Variants in SGCD observed in about 807,000 individuals in gnomAD.
SGCD encodes sarcoglycan delta.
In SGCD, 18 loss-of-function variants were observed where a neutral mutation model predicts 36.6. The observed-to-expected ratio is 0.49, with a 90% confidence interval of 0.34 to 0.73. SGCD has a LOEUF of 0.73. SGCD is among the 30% of genes least tolerant of loss of function. The pLI is 0.01. For missense variants in SGCD, 387 were observed against 346.7 expected (o/e 1.12, Z -0.92); for synonymous variants, 133 against 130.6 (o/e 1.02, Z -0.12).
intron 3 of SGCD, among the ~76,000 whole-genome samples, chr5:156,452,293 A>G (rs541356201): frequency 2.6e-5 from 4 of 152,058 alleles, no homozygotes; most frequent in African/African-American, 7.3e-5. Flanking sequence ...TGCTCTAGGT[A>G]TAGTCTCTCA....
chr5:155,747,854 T>C, the SGCD span, among the ~76,000 whole-genome samples: 6 of 152,298 alleles, frequency 3.9e-5, no homozygotes, highest in South Asian at 1.2e-3. Flanking sequence ...TTTCTCAAGA[T>C]TTCACCCTAT....
At chr5:156,277,917 G>A (rs1198647594) in intron 3 of SGCD, among the ~76,000 whole-genome samples, 1 of 152,058 alleles carries the variant, frequency 6.6e-6, no homozygotes, top group Admixed American at 6.6e-5. Context: ...GAAACTGAAG[G>A]TCTGATCTGA....
the SGCD span, among the ~76,000 whole-genome samples, chr5:155,818,523 C>A: frequency 1.3e-5 from 2 of 152,078 alleles, no homozygotes; most frequent in South Asian, 2.1e-4. Context: ...AATGGAGATA[C>A]TTTATTTATG....
the SGCD span, among the ~76,000 whole-genome samples, chr5:155,776,490 C>G: frequency 6.6e-6 from 1 of 152,110 alleles, no homozygotes; most frequent in Non-Finnish European, 1.5e-5. Context: ...TGGTTATTTT[C>G]ATAATTATCA....
chr5:155,830,244 C>T, the SGCD span, among the ~76,000 whole-genome samples: 1 of 152,206 alleles, frequency 6.6e-6, no homozygotes, highest in Non-Finnish European at 1.5e-5. Flanking sequence ...AAAGTGCCAG[C>T]AGGGTGGGCT....
chr5:156,608,138 T>C (rs1014752012), intron 6 of SGCD, among the ~76,000 whole-genome samples: 36 of 152,134 alleles, frequency 2.4e-4, no homozygotes, highest in Admixed American at 2.3e-3. Context: ...GTGATGTTAG[T>C]GTGTCAATTT....
the SGCD span, among the ~76,000 whole-genome samples, chr5:155,840,415 T>TC: frequency 1.3e-5 from 2 of 150,190 alleles, no homozygotes; most frequent in Non-Finnish European, 3.0e-5. Flanking sequence ...AGCTAAATTT[T>TC]TTTTTTTTTT....
chr5:155,882,541 G>A (rs763895980), intron 1 of SGCD, among the ~76,000 whole-genome samples: 7 of 152,292 alleles, frequency 4.6e-5, no homozygotes, highest in Admixed American at 2.6e-4. Flanking sequence ...TGATCCATGG[G>A]CTGCTGAATG....
At chr5:155,841,010 C>CAAAAAA in the SGCD span, among the ~76,000 whole-genome samples, 27 of 61,016 alleles carry the variant, frequency 4.4e-4, 1 homozygote, top group African/African-American at 1.2e-3. Context: ...GACTCCATCT[C>CAAAAAA]AAAAAAAAAA....
At chr5:156,037,759 CTGCCA>C (rs2127577442) in intron 1 of SGCD, among the ~76,000 whole-genome samples, 1 of 152,274 alleles carries the variant, frequency 6.6e-6, no homozygotes, top group South Asian at 2.1e-4. Flanking sequence ...TGTTAATTCC[CTGCCA>C]ATGTAGACAG....
chr5:156,425,542 T>A (rs1017985240), intron 3 of SGCD, among the ~76,000 whole-genome samples: 13 of 152,050 alleles, frequency 8.5e-5, no homozygotes, highest in African/African-American at 3.1e-4. Context: ...CATTTTTTTC[T>A]CTACTTGGAT....
At chr5:156,373,305 G>A (rs546919548) in intron 3 of SGCD, among the ~76,000 whole-genome samples, 1 of 152,190 alleles carries the variant, frequency 6.6e-6, no homozygotes, top group African/African-American at 2.4e-5. Context: ...AAGAAAAACA[G>A]GATCTCATAT....
chr5:155,809,564 T>C, the SGCD span, among the ~76,000 whole-genome samples: 1 of 151,838 alleles, frequency 6.6e-6, no homozygotes, highest in African/African-American at 2.4e-5. Flanking sequence ...GAGTTCTAGA[T>C]TGACAAACAG....
At chr5:156,697,511 T>C (rs906107147) in intron 7 of SGCD, among the ~76,000 whole-genome samples, 2 of 152,188 alleles carry the variant, frequency 1.3e-5, no homozygotes, top group African/African-American at 4.8e-5. Context: ...GACTCCTCCT[T>C]TGGGAAACAG....
At chr5:156,488,505 A>G (rs1755802943) in intron 3 of SGCD, among the ~76,000 whole-genome samples, 1 of 152,134 alleles carries the variant, frequency 6.6e-6, no homozygotes, top group African/African-American at 2.4e-5. Context: ...TGATACATTC[A>G]AAGTTAAGAA....
chr5:155,903,755 G>A (rs375452727), intron 1 of SGCD, among the ~76,000 whole-genome samples: 1 of 152,114 alleles, frequency 6.6e-6, no homozygotes, highest in East Asian at 1.9e-4. Flanking sequence ...ACAAAGGGGT[G>A]GTAGAGAAAG....
the SGCD span, among the ~76,000 whole-genome samples, chr5:155,838,419 A>C: frequency 2.0e-5 from 3 of 152,170 alleles, no homozygotes; most frequent in Admixed American, 2.0e-4. Flanking sequence ...AGAAATGAGA[A>C]CATTATTCCA....
the SGCD span, among the ~76,000 whole-genome samples, chr5:155,853,437 T>G: frequency 2.0e-5 from 3 of 152,180 alleles, no homozygotes; most frequent in African/African-American, 4.8e-5. Context: ...GCTTCTCTGC[T>G]TACACCTTCT....
chr5:156,118,760 A>G (rs1761963715), intron 2 of SGCD, among the ~76,000 whole-genome samples: 1 of 152,174 alleles, frequency 6.6e-6, no homozygotes, highest in South Asian at 2.1e-4. Flanking sequence ...TGCACTGGCA[A>G]GAGATTAGAT....
Sources: allele counts gnomAD v4.1 joint callset (sites outside exome capture counted in the v4.1 genomes callset), GRCh38; gene constraint gnomAD v4.1.1; transcripts MANE v1.5; gene names NCBI Gene and HGNC (gene_info 2026-07-23, HGNC 2026-07-21).